Variants in ZMYM2 observed in about 807,000 individuals in gnomAD.
ZMYM2 encodes the protein zinc finger MYM-type protein 2.
In ZMYM2, 56 loss-of-function variants were observed where a neutral mutation model predicts 162.8. The observed-to-expected ratio is 0.34, with a 90% CI of 0.28 to 0.43. The LOEUF (loss-of-function observed/expected upper bound fraction) is 0.43. Among genes scored for constraint, ZMYM2 ranks in the 20% least tolerant of loss-of-function variants. The probability of loss-of-function intolerance (pLI) is 1.00; values close to 1 mark genes in which losing one functional copy is unlikely to be tolerated. For synonymous variants in ZMYM2, 510 were observed against 541.6 expected (o/e 0.94, Z 0.81); for missense variants, 1,275 against 1,621.8 (o/e 0.79, Z 3.67).
the ZMYM2 span, among the ~76,000 whole-genome samples, chr13:19,907,727 A>G: frequency 8.3e-6 from 1 of 120,810 alleles, no homozygotes; most frequent in African/African-American, 3.1e-5. Context: ...GTGCCACTGC[A>G]CTCCAGCCTG....
intron 2 of ZMYM2, 142 bp from the exon 3 acceptor site, chr13:19,992,921 C>G (rs1949740172): frequency 3.2e-6 from 3 of 926,942 alleles, no homozygotes; most frequent in Non-Finnish European, 4.6e-6. Context: ...ATGGATATCA[C>G]ATATTTTCCT....
At position 20,031,348 on chromosome 13, in the gene ZMYM2, C is replaced by G. The variant is rs766005912; in HGVS notation, c.1881C>G (p.Gly627=). The stretch of plus-strand genomic sequence containing the variant: ...TAAGTATGCAGTCATCTCCAAATGG[C>G]CAGTTTGTAGCGCCAAGTGATATTC... ...QALSMQSSPN[G]QFVAPSDIQL... Residue 627 remains glycine (G), a synonymous_variant, in exon 10 of 25, where the codon GGC becomes GGG. Coordinates refer to ENST00000610343, the MANE Select transcript of ZMYM2 (RefSeq NM_197968.4). 56 of 1,608,592 alleles carry G rather than the reference C, an allele frequency of 3.5e-5. No individual in the cohort carries two copies. The highest frequency in any genetic ancestry group is 4.6e-5 in the Non-Finnish European group (54 of 1,178,566).
intron 2 of ZMYM2, among the ~76,000 whole-genome samples, chr13:19,975,923 A>T (rs901455316): frequency 6.7e-6 from 1 of 150,310 alleles, no homozygotes; most frequent in Non-Finnish European, 1.5e-5. Context: ...GAGTCTTGCT[A>T]TGTTGCCCAG....
chr13:19,973,860 T>C (rs1186751376), intron 2 of ZMYM2, among the ~76,000 whole-genome samples: 1 of 152,090 alleles, frequency 6.6e-6, no homozygotes, highest in Admixed American at 6.6e-5. Context: ...TTTTGGATTT[T>C]AGTTGTTGTT....
At chr13:19,969,342 A>T (rs1392117792) in intron 2 of ZMYM2, among the ~76,000 whole-genome samples, 1 of 152,198 alleles carries the variant, frequency 6.6e-6, no homozygotes, top group East Asian at 1.9e-4. Flanking sequence ...ATGTGGTATA[A>T]TGAAAGGTAT....
the ZMYM2 span, among the ~76,000 whole-genome samples, chr13:19,889,206 T>C: frequency 1.3e-5 from 2 of 152,004 alleles, 1 homozygote; most frequent in African/African-American, 4.8e-5. Context: ...CCTATTCATA[T>C]CTTACTGGAG....
intron 2 of ZMYM2, among the ~76,000 whole-genome samples, chr13:19,965,014 C>T (rs992301205): frequency 2.6e-5 from 4 of 151,468 alleles, no homozygotes; most frequent in Middle Eastern, 3.4e-3. Flanking sequence ...TGCAGCGCAC[C>T]AGCATGGCAC....
chr13:19,992,963 T>TAAAAAAAA, intron 2 of ZMYM2, 100 bp from the exon 3 acceptor site: 1 of 1,300,956 alleles, frequency 7.7e-7, no homozygotes, highest in Non-Finnish European at 1.0e-6. Flanking sequence ...TCATTTAGAA[T>TAAAAAAAA]AAAAATAAAA....
the ZMYM2 span, among the ~76,000 whole-genome samples, chr13:19,867,372 G>A: frequency 6.7e-6 from 1 of 150,012 alleles, no homozygotes; most frequent in Non-Finnish European, 1.5e-5. Flanking sequence ...AAAAAGTGTT[G>A]TCTTACAATA....
chr13:20,074,196 T>TTGTG (rs59855358), intron 21 of ZMYM2, among the ~76,000 whole-genome samples: 1,651 of 141,576 alleles, frequency 0.012, 15 homozygotes, highest in East Asian at 0.028. Flanking sequence ...ATGTCAGAAT[T>TTGTG]TGTGTGTGTG....
At chr13:19,953,627 T>C in the ZMYM2 span, among the ~76,000 whole-genome samples, 1 of 130,170 alleles carries the variant, frequency 7.7e-6, no homozygotes, top group Admixed American at 1.0e-4. Context: ...GAGGTTGCAG[T>C]GAGCTGAGAT....
chr13:19,966,527 T>C (rs111883244), intron 2 of ZMYM2, among the ~76,000 whole-genome samples: 4 of 151,890 alleles, frequency 2.6e-5, no homozygotes, highest in African/African-American at 9.7e-5. Flanking sequence ...TGATCAGGGC[T>C]CACCGCAGCC....
At chr13:19,879,075 TAATG>T in the ZMYM2 span, among the ~76,000 whole-genome samples, 3 of 152,238 alleles carry the variant, frequency 2.0e-5, no homozygotes, top group South Asian at 2.1e-4. Context: ...AAATCCAATG[TAATG>T]AATGTTTTCT....
the ZMYM2 span, among the ~76,000 whole-genome samples, chr13:19,946,607 G>A: frequency 6.6e-6 from 1 of 152,098 alleles, no homozygotes; most frequent in Non-Finnish European, 1.5e-5. Flanking sequence ...TTGGCTGTCT[G>A]GTCTAGTAGA....
chr13:19,906,972 T>C, the ZMYM2 span, among the ~76,000 whole-genome samples: 1 of 152,162 alleles, frequency 6.6e-6, no homozygotes, highest in African/African-American at 2.4e-5. Flanking sequence ...ACAATCTGAC[T>C]GCCTTGGCAT....
At chr13:19,942,374 G>A in the ZMYM2 span, among the ~76,000 whole-genome samples, 1 of 151,788 alleles carries the variant, frequency 6.6e-6, no homozygotes, top group Non-Finnish European at 1.5e-5. Flanking sequence ...ATGAGAAAAA[G>A]GAACCACATA....
rs186344273 is a variant in ZMYM2 at position 20,034,845 on chromosome 13, T to C, written c.2119+441T>C. ...GGGAAGATACTTTTAGGTATTCAAT[T>C]TGGGGTGCCAGGGAGACACTGGGTT... On this transcript the variant is annotated intron_variant, in intron 11 of 24. Coordinates refer to ENST00000610343, the MANE Select transcript of ZMYM2 (RefSeq NM_197968.4). Among the ~76,000 whole-genome samples the C allele has an allele frequency of 2.7e-3, 413 of 152,326 alleles. 12 individuals are homozygous for C. In the South Asian group the frequency reaches 0.055, roughly 20 times the overall value.
chr13:19,892,032 C>T, the ZMYM2 span, among the ~76,000 whole-genome samples: 2 of 151,586 alleles, frequency 1.3e-5, no homozygotes, highest in Admixed American at 1.3e-4. Context: ...GCCTTGACCT[C>T]CCAGGCTCAA....
chr13:20,025,858 A>G (rs969913649), intron 7 of ZMYM2: 1 of 152,228 alleles, frequency 6.6e-6, no homozygotes, highest in African/African-American at 2.4e-5. Context: ...AATGGTAAGT[A>G]TTTGTGTATC....
Sources: gnomAD v4.1 joint callset for allele counts (sites outside exome capture counted in the v4.1 genomes callset) on GRCh38, gnomAD v4.1.1 for gene constraint, MANE v1.5 for transcripts, NCBI Gene and HGNC (gene_info 2026-07-23, HGNC 2026-07-21) for gene names.